The following ADAMTSL3 variants were observed in gnomAD, a reference collection of about 807,000 sequenced individuals.
ADAMTSL3 encodes ADAMTS like 3.
ADAMTSL3 carries 128 observed loss-of-function variants against 201.7 expected under a neutral mutation model. That is an observed-to-expected ratio of 0.63 (90% CI 0.55 to 0.73). ADAMTSL3 has a LOEUF of 0.73. Ranked by LOEUF, ADAMTSL3 falls within the 30% of genes least tolerant of loss-of-function variation. The pLI, the probability that ADAMTSL3 is intolerant of heterozygous loss-of-function variation, is 0.00. For missense variants in ADAMTSL3, 1,990 were observed against 2,119.6 expected (o/e 0.94, Z 1.20); for synonymous variants, 738 against 748.4 (o/e 0.99, Z 0.23).
intron 23 of ADAMTSL3, among the ~76,000 whole-genome samples, chr15:83,994,586 G>GTTTTTTTTTTTTTTTTTTTTTTTTTT (rs3045402): frequency 4.0e-5 from 2 of 50,232 alleles, no homozygotes; most frequent in Non-Finnish European, 7.2e-5. Flanking sequence ...TTGTTTTTTC[G>GTTTTTTTTTTTTTTTTTTTTTTTTTT]TTTTTTTTTT....
At position 83,960,824 on chromosome 15, in the gene ADAMTSL3, G is replaced by A. The variant is rs998130378; in HGVS notation, c.2491-9660G>A. Among the ~76,000 whole-genome samples, 12 of 152,150 alleles carry A rather than the reference G, an allele frequency of 7.9e-5. 1 individual carries two copies. In the East Asian group the frequency reaches 1.2e-3, roughly 15 times the overall value. On this transcript the variant is annotated intron_variant, in intron 19 of 29. Transcript: ENST00000286744. ...GTCTCCTAGCTCGTTTCTCCCACCC[G>A]TGTTACTCACAAACAGCCAGCTGTA...
intron 2 of ADAMTSL3, among the ~76,000 whole-genome samples, chr15:83,674,893 G>C (rs1022823374): frequency 4.6e-5 from 7 of 150,554 alleles, no homozygotes; most frequent in Admixed American, 4.6e-4. Context: ...CATGAATATG[G>C]TCTGTCTCTT....
chr15:83,780,279 G>A (rs951953115), intron 4 of ADAMTSL3, among the ~76,000 whole-genome samples: 10 of 151,602 alleles, frequency 6.6e-5, no homozygotes, highest in East Asian at 1.9e-4. Context: ...GCATGGTGGC[G>A]GGCACCTGTA....
At chr15:83,832,018 A>G (rs936988677) in intron 6 of ADAMTSL3, among the ~76,000 whole-genome samples, 1 of 152,198 alleles carries the variant, frequency 6.6e-6, no homozygotes, top group Non-Finnish European at 1.5e-5. Context: ...CAAAGGAGAC[A>G]GATTGCTCGT....
In ADAMTSL3 at chr15:83,773,605, G is replaced by A. The variant is rs551371820; in HGVS notation, c.272G>A (p.Cys91Tyr). The A allele has an allele frequency of 1.2e-6, 2 of 1,612,842 alleles. No homozygotes were observed. The highest frequency in any genetic ancestry group is 2.2e-5 in the South Asian group (2 of 90,704). Reference protein sequence around the residue: ...WGDWSDCSRTCGGGASYSLRR... With the variant: ...WGDWSDCSRTYGGGASYSLRR... ...GACTGGAGTGACTGCTCCCGGACCT[G>A]TGGGGGAGGAGCATCATATTCTCTG... Residue 91 changes from cysteine to tyrosine, a missense_variant, in exon 4 of 30, where the codon TGT (cysteine) becomes TAT (tyrosine). Physicochemically the swap from Cys to Tyr is radical, Grantham distance 194. Coordinates refer to ENST00000286744, the MANE Select transcript of ADAMTSL3 (RefSeq NM_207517.3).
At chr15:83,745,149 GACA>G (rs763606426) in intron 3 of ADAMTSL3, among the ~76,000 whole-genome samples, 123 of 152,322 alleles carry the variant, frequency 8.1e-4, no homozygotes, top group Middle Eastern at 3.4e-3. Flanking sequence ...TGGGCGGCTT[GACA>G]ACGTTGCTTC....
At chr15:83,799,550 G>C (rs1480413434) in intron 4 of ADAMTSL3, among the ~76,000 whole-genome samples, 1 of 151,866 alleles carries the variant, frequency 6.6e-6, no homozygotes, top group African/African-American at 2.4e-5. Context: ...TACTTCTCAG[G>C]CTTTATGACA....
intron 20 of ADAMTSL3, among the ~76,000 whole-genome samples, chr15:83,977,832 C>G (rs1337065364): frequency 6.6e-6 from 1 of 152,246 alleles, no homozygotes; most frequent in East Asian, 1.9e-4. Flanking sequence ...GTAGCCGGGC[C>G]TCCATGGGCC....
At chr15:83,685,618 A>G (rs1203375082) in intron 2 of ADAMTSL3, among the ~76,000 whole-genome samples, 1 of 152,140 alleles carries the variant, frequency 6.6e-6, no homozygotes, top group Non-Finnish European at 1.5e-5. Flanking sequence ...AAATTATTTT[A>G]TATCCTGTAT....
At chr15:84,027,578 C>T (rs182623943) in intron 27 of ADAMTSL3, among the ~76,000 whole-genome samples, 16 of 152,064 alleles carry the variant, frequency 1.1e-4, no homozygotes, top group Admixed American at 4.6e-4. Flanking sequence ...GGCGTGGTGG[C>T]GGGTGCCTGT....
Position 83,858,881 on chromosome 15 carries a change from A to T in ADAMTSL3, c.802+41A>T, listed in dbSNP as rs371393930. On this transcript the variant is annotated intron_variant, in intron 8 of 29. Coordinates refer to ENST00000286744, the MANE Select transcript of ADAMTSL3 (RefSeq NM_207517.3). The stretch of plus-strand genomic sequence containing the variant: ...TCTTAACATTTTTTAATATCCTGAA[A>T]GTTTAGTTAGCCAAAAAAAACAAAA... 678 of 1,515,052 alleles carry T rather than the reference A, an allele frequency of 4.5e-4. 2 individuals are homozygous for T. In the African/African-American group the frequency reaches 9.0e-3, roughly 20 times the overall value. 93.9% of individuals were successfully genotyped at this position (1,515,052 alleles called of 1,614,324 possible).
intron 4 of ADAMTSL3, among the ~76,000 whole-genome samples, chr15:83,776,157 C>T (rs1250428524): frequency 6.6e-6 from 1 of 152,176 alleles, no homozygotes; most frequent in African/African-American, 2.4e-5. Flanking sequence ...CTTAAAATTT[C>T]TTCCTCTTGA....
intron 10 of ADAMTSL3, among the ~76,000 whole-genome samples, chr15:83,888,681 C>G (rs760883939): frequency 3.9e-5 from 6 of 152,106 alleles, no homozygotes; most frequent in Non-Finnish European, 8.8e-5. Flanking sequence ...GGAGAAGGTA[C>G]CTAGATTGCC....
chr15:83,671,266 T>G (rs2141389973), intron 2 of ADAMTSL3, among the ~76,000 whole-genome samples: 1 of 152,308 alleles, frequency 6.6e-6, no homozygotes, highest in African/African-American at 2.4e-5. Flanking sequence ...TGGAAAGAAC[T>G]TGCCAATAAA....
chr15:83,771,862 C>CT (rs76516411), intron 3 of ADAMTSL3, among the ~76,000 whole-genome samples: 73,056 of 148,882 alleles, frequency 0.49, 18,939 homozygotes, highest in South Asian at 0.71. Flanking sequence ...AGCTTTTTTT[C>CT]TTTTTTTTTT....
chr15:83,679,067 T>G (rs10906978), intron 2 of ADAMTSL3, among the ~76,000 whole-genome samples: 42,108 of 151,244 alleles, frequency 0.28, 6,077 homozygotes, highest in South Asian at 0.49. Context: ...TTTCTCTTGA[T>G]TTTTGTTGAA....
intron 9 of ADAMTSL3, among the ~76,000 whole-genome samples, chr15:83,878,677 C>A (rs1046712136): frequency 1.3e-5 from 2 of 151,788 alleles, no homozygotes; most frequent in East Asian, 1.9e-4. Context: ...AAGGTGTATC[C>A]TTTTATATAT....
In ADAMTSL3 at chr15:83,988,671, T is replaced by A; in HGVS notation, c.3717-20T>A. ...GTTAAATTGTTATATGAATGTGTCG[T>A]CTTTCTAACTGTTCTACAGAATAAT... On this transcript the variant is annotated intron_variant, in intron 21 of 29. Transcript: ENST00000286744. The A allele has an allele frequency of 6.3e-7, 1 of 1,575,592 alleles. No homozygotes were observed. The highest frequency in any genetic ancestry group is 8.6e-7 in the Non-Finnish European group (1 of 1,157,348).
intron 4 of ADAMTSL3, among the ~76,000 whole-genome samples, chr15:83,794,639 G>A (rs1025380167): frequency 1.3e-5 from 2 of 151,558 alleles, no homozygotes; most frequent in African/African-American, 4.8e-5. Flanking sequence ...GTAGTTGCTA[G>A]GTGTTAAGGA....
Sources: gnomAD v4.1 joint callset for allele counts (sites outside exome capture counted in the v4.1 genomes callset) on GRCh38, gnomAD v4.1.1 for gene constraint, MANE v1.5 for transcripts, NCBI Gene and HGNC (gene_info 2026-07-23, HGNC 2026-07-21) for gene names.